RFX1: variants seen among roughly 807,000 people sequenced by gnomAD.
The protein encoded by RFX1 is MHC class II regulatory factor RFX1.
In RFX1, 42 loss-of-function variants were observed where a neutral mutation model predicts 119.6. The ratio of observed to expected loss-of-function variants is 0.35; its 90% CI spans 0.27 to 0.45. The LOEUF (loss-of-function observed/expected upper bound fraction) is 0.45. RFX1 is among the 20% of genes least tolerant of loss of function. RFX1 has a pLI of 1.00. For synonymous variants in RFX1, 628 were observed against 618.5 expected, an observed-to-expected ratio of 1.02 and a Z score of -0.23; for missense variants, 1,118 against 1,368.1, an observed-to-expected ratio of 0.82 and a Z score of 2.88.
rs1974595912 is a variant in RFX1, at chr19:13,986,419, G to A, written c.320-2824C>T. On this transcript the variant is annotated intron_variant, in intron 2 of 20. Coordinates refer to ENST00000254325, the MANE Select transcript of RFX1 (RefSeq NM_002918.5). This position sits in a 1 kb window ranked among gnomAD's most constrained non-coding sequence, Gnocchi z 4.2. ...AGCCCAGGAGGGCGCCAGGGGATGC[G>A]CCACGAGGCTAACAGGTGAGCCTGA... 6.6e-6 allele frequency among the ~76,000 whole-genome samples: 1 copy of A among 152,186 alleles called. No homozygotes were observed. The highest frequency in any genetic ancestry group is 1.5e-5 in the Non-Finnish European group (1 of 68,026).
At chr19:14,003,422 G>A (rs752322163) in intron 1 of RFX1, among the ~76,000 whole-genome samples, 3 of 152,098 alleles carry the variant, frequency 2.0e-5, no homozygotes, top group Admixed American at 6.6e-5. Flanking sequence ...GACCCACACA[G>A]CCCAGCAAGC....
Position 13,980,366 on chromosome 19 carries a change from C to T in RFX1, c.738+207G>A, listed in dbSNP as rs1280499110. On this transcript the variant is annotated intron_variant, in intron 6 of 20. Transcript: ENST00000254325. This position sits in a 1 kb window ranked among gnomAD's most constrained non-coding sequence, Gnocchi z 5.1. ...GTCTCCTTCCAGGAGGTTCAAATTTCGTCCTCCCCGCGGCTCCCCCATCCT... is the reference window on the plus strand; with the variant it reads ...GTCTCCTTCCAGGAGGTTCAAATTTTGTCCTCCCCGCGGCTCCCCCATCCT... 2.0e-5 allele frequency among the ~76,000 whole-genome samples: 3 copies of T among 152,228 alleles called. No individual in the cohort carries two copies. Among genetic ancestry groups the T allele is most frequent in the South Asian group, 2.1e-4 (1 of 4,834 alleles).
In RFX1 at chr19:13,965,431, AC is replaced by A; in HGVS notation, c.2211+17del. The A allele has an allele frequency of 1.2e-6, 2 of 1,606,682 alleles. No individual in the cohort carries two copies. Among genetic ancestry groups the A allele is most frequent in the Non-Finnish European group, 1.7e-6 (2 of 1,174,026 alleles). Reference sequence around the variant, plus strand: ...TAAGCCCCAGAGATAGGAGAAAGGGACCCCCTCACACTCTCACCTTCACCCG... The same window carrying A: ...TAAGCCCCAGAGATAGGAGAAAGGGACCCCTCACACTCTCACCTTCACCCG... On this transcript the variant is annotated intron_variant, in intron 16 of 20. Coordinates refer to ENST00000254325, the MANE Select transcript of RFX1 (RefSeq NM_002918.5). The surrounding 1 kb of genome is among the most constrained non-coding windows in gnomAD (Gnocchi z 4.7).
chr19:13,988,505 C>T (rs937181493), intron 2 of RFX1, among the ~76,000 whole-genome samples: 2 of 152,152 alleles, frequency 1.3e-5, no homozygotes, highest in African/African-American at 4.8e-5. Context: ...ACACTCTGGG[C>T]GCCAAGCAGA....
In RFX1 at chr19:13,975,143, G is replaced by A. The variant is rs569537824; in HGVS notation, c.930-2016C>T. Among the ~76,000 whole-genome samples the A allele has an allele frequency of 4.6e-5, 7 of 151,874 alleles. No individual in the cohort carries two copies. In the South Asian group the frequency reaches 1.5e-3, roughly 32 times the overall value. On this transcript the variant is annotated intron_variant, in intron 8 of 20. Transcript: ENST00000254325. ...GGCCAAGGCGGGTGGATCACCTGAG[G>A]TCAGGAGTTCAAGACCAGCCTGGCC...
At chr19:13,963,515 A>G (rs761386047) in intron 18 of RFX1, 23 bp downstream of exon 18, 2 of 1,583,708 alleles carry the variant, frequency 1.3e-6, no homozygotes, top group South Asian at 1.1e-5. Flanking sequence ...TGCCGCCCGG[A>G]CCCGATCCCG....
intron 2 of RFX1, among the ~76,000 whole-genome samples, chr19:13,989,081 A>C (rs1433227806): frequency 6.6e-6 from 1 of 152,050 alleles, no homozygotes; most frequent in East Asian, 1.9e-4. Flanking sequence ...GGAGGTGTGG[A>C]GTCAGAAAGG....
intron 2 of RFX1, among the ~76,000 whole-genome samples, chr19:13,989,887 G>C (rs1181066499): frequency 6.6e-6 from 1 of 152,036 alleles, no homozygotes; most frequent in African/African-American, 2.4e-5. Context: ...AAGAGTTTAG[G>C]AGGTGGAGCC....
intron 2 of RFX1, among the ~76,000 whole-genome samples, chr19:13,987,992 C>G (rs563259143): frequency 5.3e-5 from 8 of 151,974 alleles, no homozygotes; most frequent in African/African-American, 1.2e-4. Flanking sequence ...AAAGACCATG[C>G]CTTGCTCTTG....
intron 9 of RFX1, among the ~76,000 whole-genome samples, chr19:13,971,944 C>T (rs899189476): frequency 3.3e-5 from 5 of 151,958 alleles, no homozygotes; most frequent in Admixed American, 2.6e-4. Flanking sequence ...AGGCGGAGGT[C>T]GCAGTGAGCC....
Position 13,993,584 on chromosome 19 carries a change from G to A in RFX1, c.260C>T (p.Pro87Leu). The A allele has an allele frequency of 6.2e-7, 1 of 1,612,782 alleles. No homozygotes were observed. The highest frequency in any genetic ancestry group is 2.2e-5 in the East Asian group (1 of 44,856). The change falls in exon 2 of 21, where the codon CCA (proline) becomes CTA (leucine). Residue 87 changes from proline (P) to leucine (L), a missense_variant. Coordinates refer to ENST00000254325, the MANE Select transcript of RFX1 (RefSeq NM_002918.5). ...ELPAVPAPSQ[P>L]TGAPTPSPAP... ...AGGCGAAGGGGTGGGTGCACCGGTT[G>A]GCTGCGAGGGTGCGGGTACAGCCGG...
intron 8 of RFX1, 48 bp downstream of exon 8, chr19:13,977,944 C>T (rs776260877): frequency 7.0e-7 from 1 of 1,422,930 alleles, no homozygotes; most frequent in South Asian, 1.2e-5. Flanking sequence ...ACTGGGGAGG[C>T]TCCAGTGCAG....
intron 8 of RFX1, among the ~76,000 whole-genome samples, chr19:13,977,059 G>A (rs1974273364): frequency 6.6e-6 from 1 of 152,066 alleles, no homozygotes; most frequent in South Asian, 2.1e-4. Context: ...CACTTTGGGA[G>A]GCTGAGACGG....
rs756772282 is a variant in RFX1 at position 13,972,913 on chromosome 19, C to T, written c.1144G>A (p.Gly382Ser). ...CCGCCGCCACCACCACTGCCACCAC[C>T]TCCGCTGCTGTTGCTGGCCCCAGCC... Reference protein sequence around the residue: ...TGAGASNSSGGGGSGGGGGGG... With the variant: ...TGAGASNSSGSGGSGGGGGGG... Residue 382 changes from glycine (G) to serine (S), a missense_variant, in exon 9 of 21, where the codon GGT becomes AGT. By Grantham distance (56) the Gly-to-Ser change is moderately conservative. This residue lies in a region of RFX1 where 542 missense variants were observed against 602.7 expected (regional missense o/e 0.90). Transcript: ENST00000254325. The T allele has an allele frequency of 3.1e-6, 5 of 1,595,250 alleles. No individual in the cohort carries two copies. The highest frequency in any genetic ancestry group is 8.5e-7 in the Non-Finnish European group (1 of 1,177,680).
rs200476772 is a variant in RFX1, at chr19:13,970,059, G to A, written c.1431C>T (p.Ala477=). The part of the protein sequence containing the change: ...CQEQKLEPVN[A]ASFGKLIRSV... ...AGCGGATGAGCTTGCCGAAGGAGGC[G>A]GCGTTGACGGGCTCCAGCTTCTGCT... Residue 477 remains alanine, a synonymous_variant, in exon 10 of 21, where the codon GCC becomes GCT. Coordinates refer to ENST00000254325, the MANE Select transcript of RFX1 (RefSeq NM_002918.5). 9.9e-6 allele frequency: 16 copies of A among 1,614,002 alleles called. No individual in the cohort carries two copies. In the South Asian group the frequency reaches 1.2e-4, roughly 12 times the overall value.
chr19:13,983,818 A>T (rs980879459), intron 2 of RFX1, among the ~76,000 whole-genome samples: 3 of 152,200 alleles, frequency 2.0e-5, no homozygotes, highest in Non-Finnish European at 4.4e-5. Context: ...AATACCTGGC[A>T]GCAGCCCTCA....
intron 1 of RFX1, among the ~76,000 whole-genome samples, chr19:14,002,271 T>C (rs1975241849): frequency 1.4e-5 from 2 of 139,630 alleles, no homozygotes; most frequent in Admixed American, 1.6e-4. Context: ...GCCAAGATCG[T>C]GCCACTGCAC....
chr19:13,983,270 G>T lies in RFX1; in HGVS notation c.430C>A (p.Arg144=). The change falls in exon 4 of 21, where the codon CGG becomes AGG. Residue 144 remains arginine, a splice_region_variant and synonymous_variant. Transcript: ENST00000254325. ...TGCACGCTCGTCTGGACCAGCAGCCGCTGTGGAGACAAGGCAGGAGGAGCT... is the reference window on the plus strand; with the variant it reads ...TGCACGCTCGTCTGGACCAGCAGCCTCTGTGGAGACAAGGCAGGAGGAGCT... ...VVQQVQGTQQ[R]LLVQTSVQAK... 1 of 1,552,446 alleles carries T rather than the reference G, an allele frequency of 6.4e-7. No individual in the cohort carries two copies.
Position 13,965,071 on chromosome 19 carries a change from G to A in RFX1, c.2211+378C>T, listed in dbSNP as rs552733532. On this transcript the variant is annotated intron_variant, in intron 16 of 20. Coordinates refer to ENST00000254325, the MANE Select transcript of RFX1 (RefSeq NM_002918.5). The surrounding 1 kb of genome is among the most constrained non-coding windows in gnomAD (Gnocchi z 4.7). ...GAATGTGCATCTTTTGATGAAAAAG[G>A]CAAGTATTATGTTTCCTTATAGATG... Among the ~76,000 whole-genome samples the A allele has an allele frequency of 6.6e-6, 1 of 152,296 alleles. No individual in the cohort carries two copies. The highest frequency in any genetic ancestry group is 1.5e-5 in the Non-Finnish European group (1 of 68,026).
Sources: allele counts gnomAD v4.1 joint callset (sites outside exome capture counted in the v4.1 genomes callset), GRCh38; gene constraint gnomAD v4.1.1; regional missense constraint gnomAD v4.1.1; non-coding constraint Gnocchi (gnomAD v3.1); transcripts MANE v1.5; gene names NCBI Gene and HGNC (gene_info 2026-07-23, HGNC 2026-07-21).